ADAMTS17: variants seen among roughly 807,000 people sequenced by gnomAD.
ADAMTS17 encodes A disintegrin and metalloproteinase with thrombospondin motifs 17.
In ADAMTS17, 113 loss-of-function variants were observed where a neutral mutation model predicts 141.5. The observed-to-expected ratio is 0.80, with a 90% CI of 0.69 to 0.93. The LOEUF is 0.93. Among genes scored for constraint, ADAMTS17 ranks in the 40% least tolerant of loss-of-function variants. The probability of loss-of-function intolerance (pLI) is 0.00; values close to 1 mark genes in which losing one functional copy is unlikely to be tolerated. For missense variants in ADAMTS17, 1,659 were observed against 1,517.9 expected, an observed-to-expected ratio of 1.09 and a Z score of -1.54; for synonymous variants, 768 against 630.6, an observed-to-expected ratio of 1.22 and a Z score of -3.27.
chr15:100,304,779 T>G (rs2045164048), intron 3 of ADAMTS17, among the ~76,000 whole-genome samples: 1 of 152,196 alleles, frequency 6.6e-6, no homozygotes, highest in Non-Finnish European at 1.5e-5. Flanking sequence ...TATCACAGGT[T>G]TGAACTGTGC....
At chr15:100,319,239 C>A (rs7183419) in intron 3 of ADAMTS17, among the ~76,000 whole-genome samples, 1 of 152,164 alleles carries the variant, frequency 6.6e-6, no homozygotes, top group Admixed American at 6.5e-5. Flanking sequence ...GTAAATGGGA[C>A]GTGTGCTTTT....
intron 8 of ADAMTS17, among the ~76,000 whole-genome samples, chr15:100,176,179 AAAG>A (rs2040333226): frequency 6.6e-6 from 1 of 152,226 alleles, no homozygotes; most frequent in Non-Finnish European, 1.5e-5. Context: ...AGCAGTGAAG[AAAG>A]AAGAGTGGTT....
intron 18 of ADAMTS17, among the ~76,000 whole-genome samples, chr15:100,008,240 C>T (rs948801728): frequency 2.0e-5 from 3 of 151,728 alleles, no homozygotes; most frequent in African/African-American, 4.8e-5. Context: ...GCCTGGGAGT[C>T]GGAGGGGGTG....
At chr15:100,103,279 G>A (rs1021151185) in intron 14 of ADAMTS17, among the ~76,000 whole-genome samples, 1 of 152,216 alleles carries the variant, frequency 6.6e-6, no homozygotes, top group Non-Finnish European at 1.5e-5. Flanking sequence ...CAGGGTCACG[G>A]TGCAGGGAAG....
At chr15:100,312,794 C>T (rs1414066596) in intron 3 of ADAMTS17, among the ~76,000 whole-genome samples, 2 of 152,204 alleles carry the variant, frequency 1.3e-5, no homozygotes, top group Non-Finnish European at 2.9e-5. Flanking sequence ...TCACTCCATA[C>T]AGTCCCATGA....
intron 4 of ADAMTS17, among the ~76,000 whole-genome samples, chr15:100,267,829 G>A (rs922184372): frequency 1.3e-5 from 2 of 152,060 alleles, no homozygotes; most frequent in Non-Finnish European, 2.9e-5. Context: ...ATCACATCAG[G>A]GTAAACAGAG....
intron 3 of ADAMTS17, among the ~76,000 whole-genome samples, chr15:100,330,195 C>A (rs2046008170): frequency 1.3e-5 from 2 of 152,202 alleles, no homozygotes; most frequent in African/African-American, 4.8e-5. Context: ...CACACTGCAT[C>A]TTAAAATCAC....
intron 10 of ADAMTS17, among the ~76,000 whole-genome samples, chr15:100,144,735 C>A (rs1247633866): frequency 6.6e-6 from 1 of 151,584 alleles, no homozygotes; most frequent in Non-Finnish European, 1.5e-5. Flanking sequence ...ATCCAAGGAC[C>A]CGAGGTGAGC....
chr15:100,247,119 T>C (rs904937079), intron 7 of ADAMTS17, among the ~76,000 whole-genome samples: 6 of 152,104 alleles, frequency 3.9e-5, no homozygotes, highest in Non-Finnish European at 8.8e-5. Context: ...ACTCCTGACC[T>C]CAAGTGATCC....
intron 3 of ADAMTS17, among the ~76,000 whole-genome samples, chr15:100,329,526 C>CA (rs35680287): frequency 0.19 from 24,594 of 127,978 alleles, 2,977 homozygotes; most frequent in African/African-American, 0.37. Context: ...ATCGTGTCTC[C>CA]AAAAAAAAAA....
At chr15:100,038,137 C>T (rs76700230) in intron 18 of ADAMTS17, among the ~76,000 whole-genome samples, 7,022 of 152,256 alleles carry the variant, frequency 0.046, 335 homozygotes, top group African/African-American at 0.12. Context: ...TCTTTCTCCA[C>T]TGATTGCTGT....
Position 100,193,528 on chromosome 15 carries a change from C to T in ADAMTS17, c.1181+5790G>A, listed in dbSNP as rs775889950. On this transcript the variant is annotated intron_variant, in intron 8 of 21. Transcript: ENST00000268070. ...TGGGCAAGGCCAGAAAGAGCAACAA[C>T]GAGACACCTCCAATGTTGCGTCTTC... is the stretch of plus-strand genomic sequence containing the variant. Among the ~76,000 whole-genome samples the T allele has an allele frequency of 1.7e-4, 26 of 152,164 alleles. 1 individual carries two copies. The highest frequency in any genetic ancestry group is 2.9e-4 in the Non-Finnish European group (20 of 68,026).
chr15:100,135,548 G>T (rs1440518919), intron 10 of ADAMTS17, among the ~76,000 whole-genome samples: 3 of 152,170 alleles, frequency 2.0e-5, no homozygotes, highest in Non-Finnish European at 2.9e-5. Flanking sequence ...CTCCCAAAGT[G>T]CTGGGATTAC....
intron 15 of ADAMTS17, among the ~76,000 whole-genome samples, chr15:100,067,090 C>T (rs1051635372): frequency 6.6e-6 from 1 of 152,042 alleles, no homozygotes; most frequent in Non-Finnish European, 1.5e-5. Context: ...TTTCCGCTGT[C>T]TTCCCTTATG....
intron 3 of ADAMTS17, among the ~76,000 whole-genome samples, chr15:100,309,407 G>A (rs2045332093): frequency 6.6e-6 from 1 of 152,222 alleles, no homozygotes; most frequent in African/African-American, 2.4e-5. Flanking sequence ...TGTGATGGTG[G>A]TCGGCGCTGG....
At chr15:100,027,914 G>A (rs1478243134) in intron 18 of ADAMTS17, among the ~76,000 whole-genome samples, 1 of 152,150 alleles carries the variant, frequency 6.6e-6, no homozygotes, top group African/African-American at 2.4e-5. Context: ...GCCCCGTTCT[G>A]AGACGAGTCC....
At chr15:100,152,104 C>T (rs953607069) in intron 10 of ADAMTS17, among the ~76,000 whole-genome samples, 13 of 152,144 alleles carry the variant, frequency 8.5e-5, no homozygotes, top group Non-Finnish European at 1.3e-4. Context: ...GCTCAACAAG[C>T]GGTAACTGTT....
chr15:100,100,439 C>T (rs55886140), intron 14 of ADAMTS17, among the ~76,000 whole-genome samples: 10,081 of 152,266 alleles, frequency 0.066, 751 homozygotes, highest in African/African-American at 0.18. Flanking sequence ...TAAGAGTCTG[C>T]TGAGCAATCT....
At chr15:100,079,892 C>T (rs1230044304) in intron 15 of ADAMTS17, among the ~76,000 whole-genome samples, 2 of 152,196 alleles carry the variant, frequency 1.3e-5, no homozygotes, top group African/African-American at 4.8e-5. Context: ...ATTCACTGGT[C>T]TTACCATGTT....
Sources: allele counts gnomAD v4.1 joint callset (sites outside exome capture counted in the v4.1 genomes callset), GRCh38; gene constraint gnomAD v4.1.1; transcripts MANE v1.5; gene names NCBI Gene and HGNC (gene_info 2026-07-23, HGNC 2026-07-21).